The following ADAMTSL1 variants were observed in gnomAD, a reference collection of about 807,000 sequenced individuals.
ADAMTSL1 encodes ADAMTS like 1.
Under a neutral mutation model 201.8 loss-of-function variants are expected in ADAMTSL1, and 126 were observed. The ratio of observed to expected loss-of-function variants is 0.62; its 90% confidence interval spans 0.54 to 0.72. The LOEUF (loss-of-function observed/expected upper bound fraction) is 0.72. ADAMTSL1 is among the 30% of genes least tolerant of loss of function. ADAMTSL1 has a pLI of 0.00. For synonymous variants in ADAMTSL1, 1,121 were observed against 903.4 expected, an observed-to-expected ratio of 1.24 and a Z score of -4.32; for missense variants, 2,679 against 2,277.8, an observed-to-expected ratio of 1.18 and a Z score of -3.59.
At chr9:17,955,009 G>A (rs1051169297) in intron 1 of ADAMTSL1, among the ~76,000 whole-genome samples, 56 of 152,094 alleles carry the variant, frequency 3.7e-4, no homozygotes, top group African/African-American at 1.3e-3. Flanking sequence ...AAGTGCAAAC[G>A]GATGTGGCCC....
intron 2 of ADAMTSL1, among the ~76,000 whole-genome samples, chr9:18,267,022 C>T (rs1832145042): frequency 6.6e-6 from 1 of 152,064 alleles, no homozygotes; most frequent in East Asian, 1.9e-4. Flanking sequence ...TGCACATGAG[C>T]AAGATGTTCC....
chr9:18,067,049 A>G (rs1159743110), intron 1 of ADAMTSL1, among the ~76,000 whole-genome samples: 1 of 152,104 alleles, frequency 6.6e-6, no homozygotes, highest in Admixed American at 6.5e-5. Context: ...ATGACGAGTT[A>G]ATGGGTGCAT....
intron 10 of ADAMTSL1, among the ~76,000 whole-genome samples, chr9:18,679,562 A>G (rs754020916): frequency 6.6e-6 from 1 of 152,166 alleles, no homozygotes; most frequent in Non-Finnish European, 1.5e-5. Flanking sequence ...ACTTAACTAT[A>G]TGTCTACTTT....
rs1245254014 is a variant in ADAMTSL1, at chr9:18,514,072, C to T, written c.191+9116C>T. On this transcript the variant is annotated intron_variant, in intron 2 of 28. Transcript: ENST00000380548. ...TAGGCAACGCATTGTATCTATAGAT[C>T]ACATTGGGTAACATGGACATTTTAA... 1.1e-4 allele frequency among the ~76,000 whole-genome samples: 17 copies of T among 152,070 alleles called. 1 individual carries two copies. Among genetic ancestry groups the T allele is most frequent in the Admixed American group, 1.1e-3 (17 of 15,262 alleles).
intron 1 of ADAMTSL1, among the ~76,000 whole-genome samples, chr9:17,929,248 C>T (rs1376468630): frequency 1.3e-5 from 2 of 152,094 alleles, no homozygotes; most frequent in African/African-American, 2.4e-5. Flanking sequence ...GCCGCCTTTA[C>T]ATCAGTATTT....
At chr9:18,805,760 G>A (rs1198946024) in intron 20 of ADAMTSL1, among the ~76,000 whole-genome samples, 2 of 152,144 alleles carry the variant, frequency 1.3e-5, no homozygotes, top group Admixed American at 6.5e-5. Flanking sequence ...CTCGGAATCC[G>A]TATCTGCACA....
At chr9:17,990,836 C>T (rs962025482) in intron 1 of ADAMTSL1, among the ~76,000 whole-genome samples, 6 of 152,086 alleles carry the variant, frequency 3.9e-5, no homozygotes, top group Non-Finnish European at 8.8e-5. Context: ...GACCTCAGTT[C>T]TTTACTCTTT....
chr9:18,760,059 C>G (rs1427544795), intron 16 of ADAMTSL1, among the ~76,000 whole-genome samples: 1 of 152,136 alleles, frequency 6.6e-6, no homozygotes, highest in Non-Finnish European at 1.5e-5. Flanking sequence ...CTCCAAAGGT[C>G]TAACACCAAG....
chr9:18,028,609 C>A (rs534297068), intron 1 of ADAMTSL1, among the ~76,000 whole-genome samples: 1 of 152,136 alleles, frequency 6.6e-6, no homozygotes, highest in South Asian at 2.1e-4. Flanking sequence ...TGTTCTGTTC[C>A]ATTGGTCTAT....
At chr9:18,154,784 G>T (rs1263018616) in intron 1 of ADAMTSL1, among the ~76,000 whole-genome samples, 3 of 151,960 alleles carry the variant, frequency 2.0e-5, no homozygotes, top group Non-Finnish European at 2.9e-5. Flanking sequence ...GAAATGGGTG[G>T]GAAGAAAAGA....
chr9:18,778,706 T>G (rs1344843687), intron 19 of ADAMTSL1, among the ~76,000 whole-genome samples: 1 of 152,246 alleles, frequency 6.6e-6, no homozygotes, highest in Non-Finnish European at 1.5e-5. Flanking sequence ...AAACTCTTTA[T>G]GTGTTTTATC....
rs376240000 is a variant in ADAMTSL1 at position 18,829,304 on chromosome 9, C to T, written c.4115-539C>T. ...TCCTACTTAGGCATAAAAATCCAAA[C>T]CACAAAGCAAATTAACTCACCAACT... On this transcript the variant is annotated intron_variant, in intron 22 of 28. Transcript: ENST00000380548. Among the ~76,000 whole-genome samples the T allele has an allele frequency of 7.2e-5, 11 of 152,270 alleles. No individual in the cohort carries two copies. In the East Asian group the frequency reaches 1.5e-3, roughly 21 times the overall value.
chr9:18,418,356 C>T (rs1818783875), intron 2 of ADAMTSL1, among the ~76,000 whole-genome samples: 1 of 152,068 alleles, frequency 6.6e-6, no homozygotes, highest in Admixed American at 6.6e-5. Flanking sequence ...TACTGGGAGT[C>T]CTAGCCAATG....
intron 15 of ADAMTSL1, among the ~76,000 whole-genome samples, chr9:18,725,085 T>C (rs1308284222): frequency 3.9e-5 from 6 of 152,108 alleles, no homozygotes; most frequent in Non-Finnish European, 8.8e-5. Flanking sequence ...ATTTTGTATT[T>C]TTAGTAGGGA....
Position 18,387,393 on chromosome 9 carries a change from G to T in ADAMTSL1, c.208-117436G>T, listed in dbSNP as rs150861056. 1.5e-4 allele frequency among the ~76,000 whole-genome samples: 23 copies of T among 151,358 alleles called. 1 individual carries two copies. Among genetic ancestry groups the T allele is most frequent in the Non-Finnish European group, 2.5e-4 (17 of 67,846 alleles). ...ATTTCATCCCCTTCCTTCCTCCTAT[G>T]CAGCCTTGCTATATTTCATCCCCTT... On this transcript the variant is annotated intron_variant, in intron 2 of 29. Transcript: ENST00000680146.
chr9:18,459,940 A>G (rs928581876), intron 2 of ADAMTSL1, among the ~76,000 whole-genome samples: 10 of 152,158 alleles, frequency 6.6e-5, no homozygotes, highest in Non-Finnish European at 1.3e-4. Context: ...GCAGGGGTGG[A>G]TGATATCCTC....
At chr9:18,759,004 G>GA (rs1288930112) in intron 16 of ADAMTSL1, among the ~76,000 whole-genome samples, 10 of 152,004 alleles carry the variant, frequency 6.6e-5, no homozygotes, top group Admixed American at 5.9e-4. Context: ...AGGAATTAAA[G>GA]AAAAAAGGTG....
chr9:18,793,986 T>C (rs2133833661), intron 19 of ADAMTSL1, among the ~76,000 whole-genome samples: 1 of 152,054 alleles, frequency 6.6e-6, no homozygotes, highest in East Asian at 1.9e-4. Context: ...TGAAGCTCAC[T>C]GTAGGCACTC....
chr9:18,455,874 C>T (rs1031305159), intron 2 of ADAMTSL1, among the ~76,000 whole-genome samples: 1 of 151,770 alleles, frequency 6.6e-6, no homozygotes, highest in Non-Finnish European at 1.5e-5. Flanking sequence ...GTTAATAGCC[C>T]CCATTTTACA....
Sources: gnomAD v4.1 joint callset for allele counts (sites outside exome capture counted in the v4.1 genomes callset) on GRCh38, gnomAD v4.1.1 for gene constraint, MANE v1.5 for transcripts, NCBI Gene and HGNC (gene_info 2026-07-23, HGNC 2026-07-21) for gene names.